PDX1: variants seen among roughly 807,000 people sequenced by gnomAD.
PDX1 encodes pancreatic and duodenal homeobox 1.
In PDX1, 7 loss-of-function variants were observed where a neutral mutation model predicts 11.1. The ratio of observed to expected loss-of-function variants is 0.63; its 90% CI spans 0.36 to 1.19. The LOEUF is 1.19. Ranked by LOEUF, PDX1 falls within the 50% of genes most tolerant of loss-of-function variation. The pLI, the probability that PDX1 is intolerant of heterozygous loss-of-function variation, is 0.02. For missense variants in PDX1, 449 were observed against 412.1 expected (o/e 1.09, Z -0.78); for synonymous variants, 232 against 196.2 (o/e 1.18, Z -1.53).
chr13:27,924,332 G>T lies in PDX1; in HGVS notation c.483G>T (p.Leu161=). ...TAYTRAQLLE[L]EKEFLFNKYI... ...ACACGCGCGCACAGCTGCTAGAGCT[G>T]GAGAAGGAGTTCCTATTCAACAAGT... The change falls in exon 2 of 2, where the codon CTG becomes CTT. Residue 161 remains leucine, a synonymous_variant. Coordinates refer to ENST00000381033, the MANE Select transcript of PDX1 (RefSeq NM_000209.4). This position sits in a 1 kb window ranked among gnomAD's most constrained non-coding sequence, Gnocchi z 4.8. 6.2e-7 allele frequency: 1 copy of T among 1,612,380 alleles called. No homozygotes were observed. Among genetic ancestry groups the T allele is most frequent in the Non-Finnish European group, 8.5e-7 (1 of 1,179,888 alleles).
chr13:27,920,459 C>A lies in PDX1; in HGVS notation c.321C>A (p.Gly107=), dbSNP rs201701313. 3.7e-5 allele frequency: 59 copies of A among 1,602,018 alleles called. No individual in the cohort carries two copies. In the East Asian group the frequency reaches 1.3e-3, roughly 35 times the overall value. ...AGPFPEGAEP[G]VLEEPNRVQL... Reference sequence around the variant, plus strand: ...CCTTCCCGGAGGGAGCCGAGCCGGGCGTCCTGGAGGAGCCCAACCGCGTCC... The same window carrying A: ...CCTTCCCGGAGGGAGCCGAGCCGGGAGTCCTGGAGGAGCCCAACCGCGTCC... Residue 107 remains glycine (G), a synonymous_variant, in exon 1 of 2, where the codon GGC becomes GGA. Coordinates refer to ENST00000381033, the MANE Select transcript of PDX1 (RefSeq NM_000209.4).
Position 27,920,135 on chromosome 13 carries a change from A to G in PDX1, c.-4A>G, listed in dbSNP as rs1248367055. The G allele has an allele frequency of 3.2e-6, 5 of 1,549,574 alleles. No individual in the cohort carries two copies. The highest frequency in any genetic ancestry group is 4.4e-6 in the Non-Finnish European group (5 of 1,146,598). Reference sequence around the variant, plus strand: ...CTCCCGGTGCCCAATCCCGGGCCGCAGCCATGAACGGCGAGGAGCAGTACT... The same window carrying G: ...CTCCCGGTGCCCAATCCCGGGCCGCGGCCATGAACGGCGAGGAGCAGTACT... On this transcript the variant is annotated 5_prime_UTR_variant, in exon 1 of 2. Coordinates refer to ENST00000381033, the MANE Select transcript of PDX1 (RefSeq NM_000209.4).
At position 27,924,467 on chromosome 13, in the gene PDX1, C is replaced by A. The variant is rs1442259663; in HGVS notation, c.618C>A (p.Asp206Glu). The change falls in exon 2 of 2, where the codon GAC becomes GAA. Residue 206 changes from aspartate (D) to glutamate (E), a missense_variant. Asp to Glu is a conservative substitution (Grantham distance 45, BLOSUM62 2). Coordinates refer to ENST00000381033, the MANE Select transcript of PDX1 (RefSeq NM_000209.4). The surrounding 1 kb of genome is among the most constrained non-coding windows in gnomAD (Gnocchi z 4.8). The part of the protein sequence containing the change: ...NRRMKWKKEE[D>E]KKRGGGTAVG... ...GCATGAAGTGGAAAAAGGAGGAGGA[C>A]AAGAAGCGCGGCGGCGGGACAGCTG... is the stretch of plus-strand genomic sequence containing the variant. The A allele has an allele frequency of 1.7e-5, 27 of 1,612,998 alleles. No individual in the cohort carries two copies. The highest frequency in any genetic ancestry group is 2.3e-5 in the Non-Finnish European group (27 of 1,179,884).
intron 1 of PDX1, among the ~76,000 whole-genome samples, chr13:27,922,652 C>A (rs1224271904): frequency 1.3e-5 from 2 of 152,158 alleles, no homozygotes; most frequent in Non-Finnish European, 1.5e-5. Flanking sequence ...TCCCACCATC[C>A]TCAACCTCCA....
rs1957815044 is a variant in PDX1, at chr13:27,925,005, C to G, written c.*304C>G. On this transcript the variant is annotated 3_prime_UTR_variant, in exon 2 of 2. Transcript: ENST00000381033. ...TGGCTGTTGCGCACATCCCTGCCCT[C>G]CTACAGCACTCCACCTTGGGACCTG... 2.9e-6 allele frequency: 1 copy of G among 346,238 alleles called. No homozygotes were observed. The highest frequency in any genetic ancestry group is 4.9e-5 in the Admixed American group (1 of 20,520). The allele number at this position is 346,238 out of a possible 1,614,324, so 21.4% of individuals were successfully genotyped here.
At chr13:27,920,629 G>C in intron 1 of PDX1, 85 bp downstream of exon 1, 1 of 1,422,260 alleles carries the variant, frequency 7.0e-7, no homozygotes, top group Non-Finnish European at 9.9e-7. Flanking sequence ...CCTTCTCTCT[G>C]TTCCCGGCGC....
intron 1 of PDX1, among the ~76,000 whole-genome samples, chr13:27,922,302 G>C (rs1039381404): frequency 1.2e-4 from 19 of 152,290 alleles, no homozygotes; most frequent in African/African-American, 4.6e-4. Context: ...CCAGGCCTTT[G>C]CTGGCGCCCT....
chr13:27,921,700 G>A (rs1045898120), intron 1 of PDX1, among the ~76,000 whole-genome samples: 2 of 152,194 alleles, frequency 1.3e-5, no homozygotes, highest in Non-Finnish European at 2.9e-5. Flanking sequence ...TTGTGCGGGA[G>A]AGGGAGGGGG....
Position 27,920,144 on chromosome 13 carries a change from C to G in PDX1, c.6C>G (p.Asn2Lys), listed in dbSNP as rs146936598. The change falls in exon 1 of 2, where the codon AAC becomes AAG. Residue 2 changes from asparagine to lysine, a missense_variant. Around this residue, in one of 3 missense-constraint regions of PDX1, gnomAD observed 263 missense variants for 212.5 expected, o/e 1.24. Transcript: ENST00000381033. M[N>K]GEEQYYAATQ... Reference sequence around the variant, plus strand: ...CCCAATCCCGGGCCGCAGCCATGAACGGCGAGGAGCAGTACTACGCGGCCA... The same window carrying G: ...CCCAATCCCGGGCCGCAGCCATGAAGGGCGAGGAGCAGTACTACGCGGCCA... 6.5e-7 allele frequency: 1 copy of G among 1,549,774 alleles called. No individual in the cohort carries two copies. Among genetic ancestry groups the G allele is most frequent in the Admixed American group, 2.0e-5 (1 of 51,014 alleles).
intron 1 of PDX1, 126 bp downstream of exon 1, chr13:27,920,670 A>C (rs149360955): frequency 4.2e-6 from 4 of 948,616 alleles, no homozygotes; most frequent in Non-Finnish European, 6.7e-6. Flanking sequence ...ACTAAACTAC[A>C]TCAGGGAGCT....
Sources: gnomAD v4.1 joint callset for allele counts (sites outside exome capture counted in the v4.1 genomes callset) on GRCh38, gnomAD v4.1.1 for gene constraint, gnomAD v4.1.1 regional missense constraint, Gnocchi (gnomAD v3.1) non-coding constraint, MANE v1.5 for transcripts, NCBI Gene and HGNC (gene_info 2026-07-23, HGNC 2026-07-21) for gene names.